The following SAMD3 variants were observed in gnomAD, a reference collection of about 807,000 sequenced individuals.
SAMD3 encodes the protein sterile alpha motif domain containing 3.
A neutral mutation model predicts 58.5 loss-of-function variants in SAMD3; 63 were observed. The observed-to-expected ratio is 1.08, with a 90% CI of 0.88 to 1.33. The LOEUF (loss-of-function observed/expected upper bound fraction) is 1.33. Ranked by LOEUF, SAMD3 falls within the 40% of genes most tolerant of loss-of-function variation. The probability of loss-of-function intolerance (pLI) is 0.00; values close to 1 mark genes in which losing one functional copy is unlikely to be tolerated. For missense variants in SAMD3, 604 were observed against 608.4 expected, an observed-to-expected ratio of 0.99 and a Z score of 0.08; for synonymous variants, 220 against 210.3, an observed-to-expected ratio of 1.05 and a Z score of -0.40.
chr6:130,304,625 C>T (rs1354335293), intron 2 of SAMD3, among the ~76,000 whole-genome samples: 3 of 151,996 alleles, frequency 2.0e-5, no homozygotes, highest in Non-Finnish European at 2.9e-5. Flanking sequence ...TACTCTTTTG[C>T]TTTAGGAGAG....
chr6:130,221,106 G>A (rs1052098564), intron 1 of SAMD3, among the ~76,000 whole-genome samples: 1 of 151,860 alleles, frequency 6.6e-6, no homozygotes, highest in African/African-American at 2.4e-5. Flanking sequence ...TGCCCACCTT[G>A]GCCTCCCAAA....
intron 2 of SAMD3, among the ~76,000 whole-genome samples, chr6:130,262,144 G>C (rs1051781060): frequency 6.6e-6 from 1 of 151,932 alleles, no homozygotes; most frequent in Non-Finnish European, 1.5e-5. Flanking sequence ...GGTATTCTTC[G>C]TAAGCCTATA....
chr6:130,291,604 G>C (rs550345160), intron 2 of SAMD3, among the ~76,000 whole-genome samples: 1 of 152,300 alleles, frequency 6.6e-6, no homozygotes, highest in South Asian at 2.1e-4. Context: ...GAGGGTCATA[G>C]CATATTTATT....
intron 1 of SAMD3, among the ~76,000 whole-genome samples, chr6:130,355,221 C>T (rs555757238): frequency 3.3e-5 from 5 of 152,144 alleles, no homozygotes; most frequent in African/African-American, 9.6e-5. Context: ...GCCGGGAGCT[C>T]GAGACCAGCC....
chr6:130,327,641 G>C (rs1776798880), intron 1 of SAMD3, among the ~76,000 whole-genome samples: 1 of 152,132 alleles, frequency 6.6e-6, no homozygotes, highest in Non-Finnish European at 1.5e-5. Flanking sequence ...GTTGATTAAA[G>C]TAGAGACTCA....
chr6:130,149,334 T>C (rs1228781570), intron 9 of SAMD3, among the ~76,000 whole-genome samples: 1 of 152,158 alleles, frequency 6.6e-6, no homozygotes, highest in East Asian at 1.9e-4. Flanking sequence ...TCAAAGAACT[T>C]AAAACAGAGC....
At chr6:130,192,792 G>C (rs2114745148) in intron 5 of SAMD3, among the ~76,000 whole-genome samples, 1 of 152,290 alleles carries the variant, frequency 6.6e-6, no homozygotes, top group Non-Finnish European at 1.5e-5. Context: ...CCGTGAGAAA[G>C]ATCCACCTAC....
rs191616286 is a variant in SAMD3, at chr6:130,201,857, C to A, written c.383+7638G>T. 2.8e-3 allele frequency among the ~76,000 whole-genome samples: 425 copies of A among 152,326 alleles called. 2 individuals carry two copies. The highest frequency in any genetic ancestry group is 9.8e-3 in the African/African-American group (407 of 41,572). On this transcript the variant is annotated intron_variant, in intron 5 of 11. Coordinates refer to ENST00000439090, the MANE Select transcript of SAMD3 (RefSeq NM_001017373.4). ...AGCCTTTCCCTAGAGGCCTTCGCCA[C>A]GCTTACTTCCCAGAAAGTCTTATTT...
At chr6:130,254,805 C>G (rs531175980) in intron 2 of SAMD3, among the ~76,000 whole-genome samples, 2 of 152,218 alleles carry the variant, frequency 1.3e-5, no homozygotes, top group Non-Finnish European at 2.9e-5. Context: ...TCCTCTTTGA[C>G]TTTTTGGGAA....
chr6:130,231,520 C>T (rs61741181), intron 2 of SAMD3, among the ~76,000 whole-genome samples: 21,607 of 151,962 alleles, frequency 0.14, 1,715 homozygotes, highest in East Asian at 0.36. Flanking sequence ...GCCAAGATCA[C>T]GCCATTGCAC....
chr6:130,272,015 C>A (rs10456984), intron 2 of SAMD3, among the ~76,000 whole-genome samples: 15,615 of 152,186 alleles, frequency 0.1, 1,025 homozygotes, highest in Admixed American at 0.15. Context: ...GGGACACAGC[C>A]AAACCATCAT....
chr6:130,275,860 T>C (rs1226262571), intron 2 of SAMD3, among the ~76,000 whole-genome samples: 1 of 152,188 alleles, frequency 6.6e-6, no homozygotes, highest in African/African-American at 2.4e-5. Flanking sequence ...TCTTTGATTA[T>C]GACCTTGCTC....
intron 8 of SAMD3, among the ~76,000 whole-genome samples, chr6:130,167,876 G>A (rs563044328): frequency 6.6e-6 from 1 of 152,324 alleles, no homozygotes; most frequent in South Asian, 2.1e-4. Flanking sequence ...ATTCTGACAA[G>A]CAAAGCTATA....
chr6:130,206,469 C>T (rs1413846298), intron 5 of SAMD3, among the ~76,000 whole-genome samples: 1 of 152,194 alleles, frequency 6.6e-6, no homozygotes, highest in Non-Finnish European at 1.5e-5. Context: ...TTTCCAGCAC[C>T]TGTGTCTTCA....
chr6:130,359,272 G>T (rs1455045464), intron 1 of SAMD3, among the ~76,000 whole-genome samples: 1 of 151,920 alleles, frequency 6.6e-6, no homozygotes, highest in Non-Finnish European at 1.5e-5. Context: ...CTTTTGATTG[G>T]GTCTGATTTG....
intron 7 of SAMD3, among the ~76,000 whole-genome samples, chr6:130,179,734 A>G (rs1792094198): frequency 6.6e-6 from 1 of 151,556 alleles, no homozygotes; most frequent in African/African-American, 2.4e-5. Context: ...TGGATTGTAT[A>G]TGATATTATG....
chr6:130,198,056 C>A (rs989873228), intron 5 of SAMD3, among the ~76,000 whole-genome samples: 1 of 152,172 alleles, frequency 6.6e-6, no homozygotes, highest in African/African-American at 2.4e-5. Flanking sequence ...TGCCAGAGAA[C>A]AACACCCCTT....
intron 1 of SAMD3, among the ~76,000 whole-genome samples, chr6:130,359,556 T>C (rs1777927207): frequency 6.6e-6 from 1 of 152,200 alleles, no homozygotes; most frequent in African/African-American, 2.4e-5. Flanking sequence ...GAACAAAGGA[T>C]TTCTGATGAT....
intron 2 of SAMD3, among the ~76,000 whole-genome samples, chr6:130,307,507 A>G (rs1775947843): frequency 6.6e-6 from 1 of 152,180 alleles, no homozygotes; most frequent in Non-Finnish European, 1.5e-5. Flanking sequence ...TCTTTAAGAG[A>G]GGAATTAGAA....
Sources: allele counts gnomAD v4.1 joint callset (sites outside exome capture counted in the v4.1 genomes callset), GRCh38; gene constraint gnomAD v4.1.1; transcripts MANE v1.5; gene names NCBI Gene and HGNC (gene_info 2026-07-23, HGNC 2026-07-21).